TSPAN8: variants seen among roughly 807,000 people sequenced by gnomAD.
The protein encoded by TSPAN8 is tetraspanin-8.
Under a neutral mutation model 32.8 loss-of-function variants are expected in TSPAN8, and 21 were observed. That is an observed-to-expected ratio of 0.64 (90% CI 0.45 to 0.92). The LOEUF is 0.92. Among genes scored for constraint, TSPAN8 ranks in the 40% least tolerant of loss-of-function variants. The pLI is 0.00. For synonymous variants in TSPAN8, 95 were observed against 94.6 expected, an observed-to-expected ratio of 1.00 and a Z score of -0.03; for missense variants, 269 against 281.9, an observed-to-expected ratio of 0.95 and a Z score of 0.33.
At position 71,139,764 on chromosome 12, in the gene TSPAN8, C is replaced by T. The variant is rs1385146926; in HGVS notation, c.208G>A (p.Gly70Ser). The T allele has an allele frequency of 1.2e-6, 2 of 1,613,922 alleles. No individual in the cohort carries two copies. The highest frequency in any genetic ancestry group is 1.7e-5 in the Admixed American group (1 of 60,004). Residue 70 changes from glycine to serine, a missense_variant, in exon 4 of 9, where the codon GGC becomes AGC. Gly to Ser is a moderately conservative substitution (Grantham distance 56). Transcript: ENST00000247829. ...IAVGAIIMIL[G>S]FLGCCGAIKE... ...ATAGCACCGCAGCATCCCAGGAAGC[C>T]CAGAATCATGATGATGGCACCTACA...
At chr12:71,132,595 C>A in intron 7 of TSPAN8, 98 bp downstream of exon 7, 2 of 1,326,190 alleles carry the variant, frequency 1.5e-6, no homozygotes, top group Non-Finnish European at 2.1e-6. Flanking sequence ...ATCATGATTC[C>A]CATGGTACTC....
Position 71,148,789 on chromosome 12 carries a change from C to T in TSPAN8, c.61-4576G>A, listed in dbSNP as rs117361205. ...ATCTCTACAGTGAAGTTTAATTCTG[C>T]TATTATGTTTGTAGTTTACTTGCAG... On this transcript the variant is annotated intron_variant, in intron 2 of 8. Coordinates refer to ENST00000247829, the MANE Select transcript of TSPAN8 (RefSeq NM_004616.3). 2.8e-3 allele frequency among the ~76,000 whole-genome samples: 427 copies of T among 152,224 alleles called. 9 individuals are homozygous for T. In the East Asian group the frequency reaches 0.051, roughly 18 times the overall value.
In TSPAN8 at chr12:71,138,072, A is replaced by G; in HGVS notation, c.337-12T>C. On this transcript the variant is annotated splice_polypyrimidine_tract_variant and intron_variant, in intron 5 of 8. Transcript: ENST00000247829. The stretch of plus-strand genomic sequence containing the variant: ...ACAATGCGATCAGACTGAAAATTGA[A>G]AAGTATTTTACATTATTCACGCCAC... 1 of 1,612,066 alleles carries G rather than the reference A, an allele frequency of 6.2e-7. No homozygotes were observed.
intron 2 of TSPAN8, among the ~76,000 whole-genome samples, chr12:71,147,799 G>A (rs1325922235): frequency 6.6e-6 from 1 of 151,974 alleles, no homozygotes; most frequent in Non-Finnish European, 1.5e-5. Flanking sequence ...GTCTCAAGAG[G>A]GTACAAAGTT....
At chr12:71,134,544 C>A (rs1871619876) in intron 6 of TSPAN8, among the ~76,000 whole-genome samples, 1 of 152,178 alleles carries the variant, frequency 6.6e-6, no homozygotes, top group African/African-American at 2.4e-5. Flanking sequence ...TGACAAAGAG[C>A]TGGAAATTTC....
intron 2 of TSPAN8, among the ~76,000 whole-genome samples, chr12:71,145,347 G>A (rs917040196): frequency 6.6e-6 from 1 of 152,002 alleles, no homozygotes; most frequent in Non-Finnish European, 1.5e-5. Flanking sequence ...TTGGAATCCT[G>A]GGCGCTAATT....
At chr12:71,150,037 A>C (rs1363492385) in intron 2 of TSPAN8, among the ~76,000 whole-genome samples, 1 of 152,202 alleles carries the variant, frequency 6.6e-6, no homozygotes, top group East Asian at 1.9e-4. Flanking sequence ...AGGGAGGTCT[A>C]TAAACAGCTT....
rs569313779 is a variant in TSPAN8 at position 71,139,753 on chromosome 12, T to C, written c.219A>G (p.Gly73=). 6.2e-7 allele frequency: 1 copy of C among 1,613,938 alleles called. No homozygotes were observed. Among genetic ancestry groups the C allele is most frequent in the South Asian group, 1.1e-5 (1 of 91,066 alleles). The change falls in exon 4 of 9, where the codon GGA becomes GGG. Residue 73 remains glycine (G), a synonymous_variant. Coordinates refer to ENST00000247829, the MANE Select transcript of TSPAN8 (RefSeq NM_004616.3). ...GACTTTCTTTTATAGCACCGCAGCATCCCAGGAAGCCCAGAATCATGATGA... is the reference window on the plus strand; with the variant it reads ...GACTTTCTTTTATAGCACCGCAGCACCCCAGGAAGCCCAGAATCATGATGA... The part of the protein sequence containing the change: ...GAIIMILGFL[G]CCGAIKESRC...
chr12:71,143,350 C>T (rs1871964579), intron 3 of TSPAN8, among the ~76,000 whole-genome samples: 1 of 152,174 alleles, frequency 6.6e-6, no homozygotes, highest in South Asian at 2.1e-4. Context: ...CCTCCCTCTT[C>T]CCCCAACCCT....
At chr12:71,149,080 A>G (rs548886274) in intron 2 of TSPAN8, among the ~76,000 whole-genome samples, 12 of 152,154 alleles carry the variant, frequency 7.9e-5, no homozygotes, top group Non-Finnish European at 1.6e-4. Flanking sequence ...AATTTCCTTG[A>G]AAAAGATGAG....
Position 71,138,224 on chromosome 12 carries a change from T to C in TSPAN8, c.268A>G (p.Ile90Val). 6.2e-7 allele frequency: 1 copy of C among 1,613,398 alleles called. No homozygotes were observed. Among genetic ancestry groups the C allele is most frequent in the Non-Finnish European group, 8.5e-7 (1 of 1,179,814 alleles). Residue 90 changes from isoleucine (I) to valine (V), a missense_variant, in exon 5 of 9, where the codon ATA (isoleucine) becomes GTA (valine). Transcript: ENST00000247829. ...ESRCMLLLFF[I>V]GLLLILLLQV... ...AGGAGCAGGATCAGAAGCAAGCCTA[T>C]GAAAAACTGAAGAAGAGAAAAAGAA...
intron 2 of TSPAN8, among the ~76,000 whole-genome samples, chr12:71,154,872 G>A (rs1237610439): frequency 6.6e-6 from 1 of 152,144 alleles, no homozygotes; most frequent in Non-Finnish European, 1.5e-5. Flanking sequence ...TACTAAAGAG[G>A]CTATCAAAGT....
chr12:71,137,911 A>G (rs1030101003), intron 6 of TSPAN8, 42 bp downstream of exon 6: 3 of 1,543,612 alleles, frequency 1.9e-6, no homozygotes, highest in African/African-American at 2.8e-5. Context: ...ACACAGAAGA[A>G]CTATGTCCAA....
intron 2 of TSPAN8, among the ~76,000 whole-genome samples, chr12:71,145,538 C>T (rs1872050285): frequency 6.6e-6 from 1 of 152,188 alleles, no homozygotes; most frequent in Non-Finnish European, 1.5e-5. Context: ...GATTAAAAAA[C>T]ACAGCTTTCG....
chr12:71,128,025 TA>T (rs1255467326), intron 8 of TSPAN8, among the ~76,000 whole-genome samples: 1 of 152,184 alleles, frequency 6.6e-6, no homozygotes, highest in Admixed American at 6.5e-5. Flanking sequence ...TAAATTAGCA[TA>T]AACCCAGAAT....
intron 6 of TSPAN8, among the ~76,000 whole-genome samples, chr12:71,133,514 T>C (rs1227114333): frequency 3.3e-5 from 5 of 152,244 alleles, no homozygotes; most frequent in African/African-American, 9.6e-5. Context: ...GTTTTAAAAG[T>C]GAAATTTCCA....
intron 6 of TSPAN8, 84 bp downstream of exon 6, chr12:71,137,869 A>T: frequency 7.9e-7 from 1 of 1,264,858 alleles, no homozygotes; most frequent in South Asian, 1.5e-5. Context: ...GACATTTTTC[A>T]ATCTTTAAGG....
At position 71,132,729 on chromosome 12, in the gene TSPAN8, T is replaced by C; in HGVS notation, c.540A>G (p.Pro180=). The C allele has an allele frequency of 2.5e-6, 4 of 1,613,976 alleles. No homozygotes were observed. Among genetic ancestry groups the C allele is most frequent in the Non-Finnish European group, 3.4e-6 (4 of 1,179,954 alleles). The change falls in exon 7 of 9, where the codon CCA becomes CCG. Residue 180 remains proline (P), a synonymous_variant. Transcript: ENST00000247829. ...ELCACLDKQR[P]CQSYNGKQVY... ...CTTGTTTTCCATTATAGCTTTGGCA[T>C]GGTCTCTGCTTATCTAGACAGGCAC...
chr12:71,146,872 G>T (rs1872094023), intron 2 of TSPAN8, among the ~76,000 whole-genome samples: 1 of 152,134 alleles, frequency 6.6e-6, no homozygotes, highest in Non-Finnish European at 1.5e-5. Flanking sequence ...ATCTGTTTTT[G>T]ATGATAGGCT....
Sources: gnomAD v4.1 joint callset for allele counts (sites outside exome capture counted in the v4.1 genomes callset) on GRCh38, gnomAD v4.1.1 for gene constraint, MANE v1.5 for transcripts, NCBI Gene and HGNC (gene_info 2026-07-23, HGNC 2026-07-21) for gene names.